ZSWIM4: variants seen among roughly 807,000 people sequenced by gnomAD.
ZSWIM4 encodes the protein zinc finger SWIM domain-containing protein 4.
Under a neutral mutation model 102.5 loss-of-function variants are expected in ZSWIM4, and 62 were observed. The observed-to-expected ratio is 0.60, with a 90% CI of 0.49 to 0.75. ZSWIM4 has a LOEUF of 0.75. ZSWIM4 is among the 30% of genes least tolerant of loss of function. ZSWIM4 has a pLI of 0.00. For missense variants in ZSWIM4, 1,280 were observed against 1,529.6 expected (o/e 0.84, Z 2.72); for synonymous variants, 652 against 674.5 (o/e 0.97, Z 0.52).
rs946461207 is a variant in ZSWIM4, at chr19:13,830,943, C to T, written c.3214C>T (p.Leu1072=). 1 of 1,614,234 alleles carries T rather than the reference C, an allele frequency of 6.2e-7. No homozygotes were observed. The change falls in exon 14 of 14, where the codon CTG becomes TTG. Residue 1072 remains leucine, a synonymous_variant. Transcript: ENST00000590508. ...GGGCAAGGCCCGGGAGACCTTCCTG[C>T]TGGCGCCCGACGGGCACCTCCAGTT... ...FLGKARETFL[L]APDGHLQFSQ...
intron 1 of ZSWIM4, among the ~76,000 whole-genome samples, chr19:13,799,479 T>C (rs996591484): frequency 6.6e-6 from 1 of 151,990 alleles, no homozygotes; most frequent in African/African-American, 2.4e-5. Context: ...TTCATCATGT[T>C]GGCCAGGCTG....
chr19:13,823,274 G>A, intron 10 of ZSWIM4, 72 bp from the exon 11 acceptor site: 1 of 1,498,992 alleles, frequency 6.7e-7, no homozygotes, highest in East Asian at 2.3e-5. Context: ...GGGCCAGGAG[G>A]CTTCTCTGTC....
chr19:13,828,424 AAAC>A (rs1015788343), intron 12 of ZSWIM4, among the ~76,000 whole-genome samples: 2 of 152,116 alleles, frequency 1.3e-5, no homozygotes, highest in African/African-American at 2.4e-5. Context: ...AAACAAAACA[AAAC>A]AACAACAAAA....
At chr19:13,812,241 A>AAC (rs1975115875) in intron 5 of ZSWIM4, among the ~76,000 whole-genome samples, 1 of 152,036 alleles carries the variant, frequency 6.6e-6, no homozygotes, top group Non-Finnish European at 1.5e-5. Flanking sequence ...AAAACCCCAA[A>AAC]ACACCTTGAG....
chr19:13,797,095 G>A (rs955548412), intron 1 of ZSWIM4, among the ~76,000 whole-genome samples: 1 of 152,136 alleles, frequency 6.6e-6, no homozygotes, highest in African/African-American at 2.4e-5. Context: ...CCATCTCCGA[G>A]CCTCCCACAA....
chr19:13,816,024 C>A, intron 7 of ZSWIM4, among the ~76,000 whole-genome samples: 4 of 100,736 alleles, frequency 4.0e-5, no homozygotes, highest in Admixed American at 1.3e-4. Context: ...GAGGGAGGGA[C>A]AGAGAGAGAT....
intron 2 of ZSWIM4, among the ~76,000 whole-genome samples, chr19:13,804,253 C>T (rs1974851556): frequency 6.6e-6 from 1 of 151,914 alleles, no homozygotes; most frequent in Non-Finnish European, 1.5e-5. Flanking sequence ...GGCGGATCAC[C>T]TGAGGCCAGG....
chr19:13,803,493 A>G (rs955468764), intron 2 of ZSWIM4, among the ~76,000 whole-genome samples: 2 of 152,012 alleles, frequency 1.3e-5, no homozygotes, highest in Admixed American at 6.6e-5. Context: ...AATAAGAGCA[A>G]GTGTTGGGCT....
Position 13,825,431 on chromosome 19 carries a change from C to A in ZSWIM4, c.2216-119C>A. ...CACAGAACCATGGCCCAGTACACATCCCTCCACACTCACACATGTGCCCCT... is the reference window on the plus strand; with the variant it reads ...CACAGAACCATGGCCCAGTACACATACCTCCACACTCACACATGTGCCCCT... On this transcript the variant is annotated intron_variant, in intron 11 of 13. Transcript: ENST00000590508. This position sits in a 1 kb window ranked among gnomAD's most constrained non-coding sequence, Gnocchi z 4.6. The A allele has an allele frequency of 1.6e-6, 2 of 1,223,152 alleles. No individual in the cohort carries two copies. The highest frequency in any genetic ancestry group is 2.3e-6 in the Non-Finnish European group (2 of 856,248). The allele number at this position is 1,223,152 out of a possible 1,614,324, so 75.8% of individuals were successfully genotyped here.
In ZSWIM4 at chr19:13,809,201, G is replaced by T; in HGVS notation, c.993G>T (p.Arg331=). ...GCGCGGGCATGACGGACAAGTGCCG[G>T]CAGCTCTGGGATGAGCTGGGTGAGG... ...QQGAGMTDKC[R]QLWDELGALW... Residue 331 remains arginine, a synonymous_variant, in exon 5 of 14, where the codon CGG becomes CGT. Coordinates refer to ENST00000590508, the MANE Select transcript of ZSWIM4 (RefSeq NM_001367834.3). This position sits in a 1 kb window ranked among gnomAD's most constrained non-coding sequence, Gnocchi z 4.2. The T allele has an allele frequency of 6.2e-7, 1 of 1,608,778 alleles. No individual in the cohort carries two copies. The highest frequency in any genetic ancestry group is 1.1e-5 in the South Asian group (1 of 90,890).
chr19:13,805,254 G>T (rs1028346053), intron 3 of ZSWIM4, 106 bp downstream of exon 3: 6 of 1,094,066 alleles, frequency 5.5e-6, no homozygotes, highest in African/African-American at 1.6e-5. Flanking sequence ...AGTTGTGGGG[G>T]CGGGGGGCGG....
intron 3 of ZSWIM4, among the ~76,000 whole-genome samples, chr19:13,807,570 A>AGATGGATGGATG (rs56365536): frequency 0.021 from 3,028 of 141,126 alleles, 48 homozygotes; most frequent in Admixed American, 0.032. Context: ...GTTTTGGGCA[A>AGATGGATGGATG]GATGGATGGA....
At chr19:13,804,696 G>T in intron 2 of ZSWIM4, 96 bp from the exon 3 acceptor site, 1 of 958,422 alleles carries the variant, frequency 1.0e-6, no homozygotes, top group South Asian at 1.6e-5. Flanking sequence ...CTAGTGAAGT[G>T]ACTCGGCTGG....
intron 10 of ZSWIM4, among the ~76,000 whole-genome samples, chr19:13,821,150 G>A (rs1298730490): frequency 6.6e-6 from 1 of 152,066 alleles, no homozygotes; most frequent in African/African-American, 2.4e-5. Flanking sequence ...TGGGTGTGGA[G>A]GTGCATACCT....
rs1398685999 is a variant in ZSWIM4 at position 13,804,449 on chromosome 19, A to G, written c.356-343A>G. 2.0e-5 allele frequency among the ~76,000 whole-genome samples: 3 copies of G among 150,806 alleles called. No individual in the cohort carries two copies. The East Asian group carries it at 5.9e-4, about 30-fold the overall frequency. ...CACACCATTGCACTCCTGCCTGGGC[A>G]ACAGAGCAAAGCTCTGTCCCAAATA... On this transcript the variant is annotated intron_variant, in intron 2 of 13. Coordinates refer to ENST00000590508, the MANE Select transcript of ZSWIM4 (RefSeq NM_001367834.3).
intron 6 of ZSWIM4, among the ~76,000 whole-genome samples, chr19:13,814,167 A>T (rs189945062): frequency 2.0e-5 from 3 of 148,460 alleles, no homozygotes; most frequent in African/African-American, 7.5e-5. Flanking sequence ...AGCGATTCTC[A>T]TTCCTCAGCC....
At chr19:13,827,600 AAAAAAAAG>A (rs1404609672) in intron 12 of ZSWIM4, among the ~76,000 whole-genome samples, 54 of 151,094 alleles carry the variant, frequency 3.6e-4, no homozygotes, top group African/African-American at 1.3e-3. Flanking sequence ...AAAAAAAAAA[AAAAAAAAG>A]AAAAGAAAAA....
At position 13,831,100 on chromosome 19, in the gene ZSWIM4, C is replaced by T; in HGVS notation, c.*50C>T. On this transcript the variant is annotated 3_prime_UTR_variant, in exon 14 of 14. Transcript: ENST00000590508. ...GGGATCCCCCTCGCCCCTGCGTCCCCCACCCTTGCTCTCCAATTAGGCCCA... is the reference window on the plus strand; with the variant it reads ...GGGATCCCCCTCGCCCCTGCGTCCCTCACCCTTGCTCTCCAATTAGGCCCA... 2 of 1,510,632 alleles carry T rather than the reference C, an allele frequency of 1.3e-6. No homozygotes were observed. Among genetic ancestry groups the T allele is most frequent in the Non-Finnish European group, 1.8e-6 (2 of 1,137,076 alleles). 93.6% of individuals were successfully genotyped at this position (1,510,632 alleles called of 1,614,324 possible). A position where few individuals can be genotyped will look rare whatever the true frequency, so the allele number is the denominator to read the frequency against.
At position 13,830,883 on chromosome 19, in the gene ZSWIM4, A is replaced by T; in HGVS notation, c.3154A>T (p.Ser1052Cys). 6.2e-7 allele frequency: 1 copy of T among 1,614,128 alleles called. No individual in the cohort carries two copies. Among genetic ancestry groups the T allele is most frequent in the Non-Finnish European group, 8.5e-7 (1 of 1,180,016 alleles). Residue 1052 changes from serine (S) to cysteine (C), a missense_variant, in exon 14 of 14, where the codon AGC becomes TGC. Transcript: ENST00000590508. ...CAGCCACTCGCGCCTCACGCACATC[A>T]GCCCGCGGCACTATGGGGATTTCAT... ...TTSHSRLTHISPRHYGDFIEF... is the reference protein window; with the variant it reads ...TTSHSRLTHICPRHYGDFIEF...
Sources: allele counts gnomAD v4.1 joint callset (sites outside exome capture counted in the v4.1 genomes callset), GRCh38; gene constraint gnomAD v4.1.1; non-coding constraint Gnocchi (gnomAD v3.1); transcripts MANE v1.5; gene names NCBI Gene and HGNC (gene_info 2026-07-23, HGNC 2026-07-21).